The following MPDZ variants were observed in gnomAD, a reference collection of about 807,000 sequenced individuals.
MPDZ encodes the protein multiple PDZ domain protein.
Under a neutral mutation model 239.1 loss-of-function variants are expected in MPDZ, and 234 were observed. The observed-to-expected ratio is 0.98, with a 90% CI of 0.88 to 1.09. The LOEUF is 1.09. Among genes scored for constraint, MPDZ ranks in the 50% least tolerant of loss-of-function variants. MPDZ has a pLI of 0.00. For missense variants in MPDZ, 3,175 were observed against 2,510.0 expected, an observed-to-expected ratio of 1.26 and a Z score of -5.66; for synonymous variants, 1,048 against 881.3, an observed-to-expected ratio of 1.19 and a Z score of -3.35.
chr9:13,180,396 G>C (rs1257776790), intron 19 of MPDZ, among the ~76,000 whole-genome samples: 1 of 152,142 alleles, frequency 6.6e-6, no homozygotes, highest in Non-Finnish European at 1.5e-5. Context: ...ACGAAGGATA[G>C]ACACCACATT....
At chr9:13,154,505 T>C (rs951306383) in intron 24 of MPDZ, among the ~76,000 whole-genome samples, 3 of 152,184 alleles carry the variant, frequency 2.0e-5, no homozygotes, top group African/African-American at 7.2e-5. Flanking sequence ...AGGGCATTTA[T>C]TTAGTCTCTG....
At chr9:13,121,660 C>T in intron 38 of MPDZ, 79 bp downstream of exon 38, 2 of 1,448,100 alleles carry the variant, frequency 1.4e-6, no homozygotes, top group Non-Finnish European at 1.9e-6. Context: ...AAAAGATTCA[C>T]CTACTGCTAT....
rs755763782 is a variant in MPDZ, at chr9:13,143,579, A to G, written c.3742-15T>C. On this transcript the variant is annotated splice_polypyrimidine_tract_variant and intron_variant, in intron 26 of 46. Coordinates refer to ENST00000319217, the MANE Select transcript of MPDZ (RefSeq NM_001378778.1). ...AAAGGGGATTTCTAAAAGGAAACATAAGAGGCGCTGAACGCAAAGGAAATG... is the reference window on the plus strand; with the variant it reads ...AAAGGGGATTTCTAAAAGGAAACATGAGAGGCGCTGAACGCAAAGGAAATG... 40 of 1,597,672 alleles carry G rather than the reference A, an allele frequency of 2.5e-5. No individual in the cohort carries two copies. The South Asian group carries it at 4.1e-4, about 16-fold the overall frequency.
At chr9:13,112,267 G>T (rs1435093861) in intron 42 of MPDZ, 121 bp from the exon 43 acceptor site, 1 of 1,015,924 alleles carries the variant, frequency 9.8e-7, no homozygotes, top group Non-Finnish European at 1.4e-6. Context: ...GGAAAATGAA[G>T]AAGTGCAAGA....
At chr9:13,216,906 T>A in intron 9 of MPDZ, 44 bp from the exon 10 acceptor site, 1 of 1,444,328 alleles carries the variant, frequency 6.9e-7, no homozygotes, top group Non-Finnish European at 9.6e-7. Context: ...TCAAAGCACA[T>A]TCAAAGAATA....
chr9:13,154,941 A>C (rs1396991254), intron 24 of MPDZ, among the ~76,000 whole-genome samples: 1 of 152,160 alleles, frequency 6.6e-6, no homozygotes, highest in Non-Finnish European at 1.5e-5. Flanking sequence ...TATAGCAGCC[A>C]GGTGTGGTAG....
At chr9:13,256,946 T>C (rs867389714) in intron 1 of MPDZ, among the ~76,000 whole-genome samples, 10 of 152,200 alleles carry the variant, frequency 6.6e-5, no homozygotes, top group Middle Eastern at 6.8e-3. Context: ...TAAAACAACA[T>C]AGACCTGTAT....
chr9:13,242,370 C>T (rs1385042189), intron 3 of MPDZ, among the ~76,000 whole-genome samples: 1 of 151,556 alleles, frequency 6.6e-6, no homozygotes, highest in African/African-American at 2.4e-5. Context: ...GGATTACAGG[C>T]ATGCATGAAC....
chr9:13,132,256 A>G (rs951700325), intron 32 of MPDZ, among the ~76,000 whole-genome samples: 1 of 152,182 alleles, frequency 6.6e-6, no homozygotes, highest in Non-Finnish European at 1.5e-5. Context: ...AGCTCATCCA[A>G]TCCCAACAAT....
At chr9:13,208,386 G>A (rs1369136484) in intron 10 of MPDZ, among the ~76,000 whole-genome samples, 2 of 151,798 alleles carry the variant, frequency 1.3e-5, no homozygotes, top group African/African-American at 4.8e-5. Context: ...TCAAAAGGCT[G>A]CAGTGAGCCA....
chr9:13,127,112 A>G (rs1945235629), intron 32 of MPDZ, among the ~76,000 whole-genome samples: 1 of 152,230 alleles, frequency 6.6e-6, no homozygotes, highest in Non-Finnish European at 1.5e-5. Context: ...TAATGACTGA[A>G]TAAGTCATTC....
At chr9:13,177,347 G>A (rs1384048344) in intron 19 of MPDZ, among the ~76,000 whole-genome samples, 1 of 152,080 alleles carries the variant, frequency 6.6e-6, no homozygotes, top group Non-Finnish European at 1.5e-5. Flanking sequence ...ACAATATGAA[G>A]AGTTTTCGCT....
intron 1 of MPDZ, among the ~76,000 whole-genome samples, chr9:13,260,977 A>G (rs1201595846): frequency 2.6e-5 from 4 of 152,204 alleles, no homozygotes; most frequent in African/African-American, 9.6e-5. Context: ...CTTTCTTCCA[A>G]CCATAACCAA....
At chr9:13,154,112 T>C (rs1949534415) in intron 24 of MPDZ, among the ~76,000 whole-genome samples, 1 of 152,148 alleles carries the variant, frequency 6.6e-6, no homozygotes, top group Non-Finnish European at 1.5e-5. Flanking sequence ...TTTGCTCTCA[T>C]AGGGTTTGGC....
chr9:13,262,797 T>C (rs1460254466), intron 1 of MPDZ, among the ~76,000 whole-genome samples: 1 of 151,940 alleles, frequency 6.6e-6, no homozygotes, highest in Non-Finnish European at 1.5e-5. Context: ...AGACTCAGAG[T>C]CCAAATCTCA....
Position 13,115,264 on chromosome 9 carries a change from G to A in MPDZ, c.5450C>T (p.Pro1817Leu), listed in dbSNP as rs757702403. ...KAGPFHSERRPSQSSQVSEGS... is the reference protein window; with the variant it reads ...KAGPFHSERRLSQSSQVSEGS... ...GCTACCCACCTGGCTGCTTTGAGATGGCCTCCTCTCTGAATGGAATGGACC... is the reference window on the plus strand; with the variant it reads ...GCTACCCACCTGGCTGCTTTGAGATAGCCTCCTCTCTGAATGGAATGGACC... Residue 1817 changes from proline to leucine, a missense_variant, in exon 40 of 47, where the codon CCA (proline) becomes CTA (leucine). Coordinates refer to ENST00000319217, the MANE Select transcript of MPDZ (RefSeq NM_001378778.1). 61 of 1,612,414 alleles carry A rather than the reference G, an allele frequency of 3.8e-5. No individual in the cohort carries two copies. In the Admixed American group the frequency reaches 7.5e-4, roughly 20 times the overall value.
At chr9:13,213,302 A>T (rs1307599660) in intron 10 of MPDZ, among the ~76,000 whole-genome samples, 4 of 152,110 alleles carry the variant, frequency 2.6e-5, no homozygotes, top group African/African-American at 9.7e-5. Context: ...GGGTCCACAG[A>T]ACACAATGTG....
intron 17 of MPDZ, among the ~76,000 whole-genome samples, 162 bp downstream of exon 17, chr9:13,188,622 A>G (rs1954473440): frequency 6.6e-6 from 1 of 152,104 alleles, no homozygotes; most frequent in African/African-American, 2.4e-5. Flanking sequence ...TTTTTTGAAT[A>G]TTACTCAAAA....
Position 13,186,393 on chromosome 9 carries a change from G to T in MPDZ, c.2365-7C>A. On this transcript the variant is annotated splice_polypyrimidine_tract_variant and splice_region_variant and intron_variant, in intron 17 of 46. Coordinates refer to ENST00000319217, the MANE Select transcript of MPDZ (RefSeq NM_001378778.1). ...AACCTTCTTCTGGTGAAAGCTGCAG[G>T]GAAAAAATGGTATTCATGGAAAAGA... 1 of 1,520,920 alleles carries T rather than the reference G, an allele frequency of 6.6e-7. No homozygotes were observed. The highest frequency in any genetic ancestry group is 9.0e-7 in the Non-Finnish European group (1 of 1,116,390). The allele number at this position is 1,520,920 out of a possible 1,614,324, so 94.2% of individuals were successfully genotyped here.
Sources: gnomAD v4.1 joint callset for allele counts (sites outside exome capture counted in the v4.1 genomes callset) on GRCh38, gnomAD v4.1.1 for gene constraint, MANE v1.5 for transcripts, NCBI Gene and HGNC (gene_info 2026-07-23, HGNC 2026-07-21) for gene names.